The following ADAMTS19 variants were observed in gnomAD, a reference collection of about 807,000 sequenced individuals.
The protein encoded by ADAMTS19 is A disintegrin and metalloproteinase with thrombospondin motifs 19.
ADAMTS19 carries 93 observed loss-of-function variants against 153.3 expected under a neutral mutation model. The observed-to-expected ratio is 0.61, with a 90% confidence interval of 0.51 to 0.72. ADAMTS19 has a LOEUF of 0.72. ADAMTS19 is among the 30% of genes least tolerant of loss of function. The pLI is 0.00. For synonymous variants in ADAMTS19, 600 were observed against 556.6 expected, an observed-to-expected ratio of 1.08 and a Z score of -1.10; for missense variants, 1,482 against 1,552.1, an observed-to-expected ratio of 0.95 and a Z score of 0.76.
chr5:129,689,851 T>A (rs1283363467), intron 18 of ADAMTS19, among the ~76,000 whole-genome samples: 2 of 152,236 alleles, frequency 1.3e-5, no homozygotes, highest in Non-Finnish European at 2.9e-5. Flanking sequence ...TAAAATTTGA[T>A]ATTATTTCAT....
chr5:129,723,004 T>C (rs1372536943), intron 21 of ADAMTS19, among the ~76,000 whole-genome samples: 1 of 152,200 alleles, frequency 6.6e-6, no homozygotes, highest in East Asian at 1.9e-4. Context: ...TTTCATTTTC[T>C]CTCATTTGTC....
At chr5:129,505,687 T>C (rs1203172774) in intron 2 of ADAMTS19, among the ~76,000 whole-genome samples, 2 of 152,084 alleles carry the variant, frequency 1.3e-5, no homozygotes, top group Non-Finnish European at 2.9e-5. Context: ...ACAAAAGCAA[T>C]GCTAAATTGC....
chr5:129,724,996 G>T (rs777368537), intron 21 of ADAMTS19, among the ~76,000 whole-genome samples: 1 of 152,022 alleles, frequency 6.6e-6, no homozygotes, highest in African/African-American at 2.4e-5. Flanking sequence ...CACAGTTGCC[G>T]GCATTCACCC....
chr5:129,678,116 C>T (rs191123446), intron 16 of ADAMTS19, among the ~76,000 whole-genome samples: 134 of 152,188 alleles, frequency 8.8e-4, no homozygotes, highest in Non-Finnish European at 1.5e-3. Context: ...CCGGCCGTTA[C>T]ATTTTTTTCT....
intron 21 of ADAMTS19, among the ~76,000 whole-genome samples, chr5:129,704,851 GA>G (rs1226950518): frequency 6.6e-6 from 1 of 151,906 alleles, no homozygotes; most frequent in Non-Finnish European, 1.5e-5. Flanking sequence ...GGTAGAAATG[GA>G]AAGGAACAAA....
chr5:129,668,836 G>A (rs1754170517), intron 16 of ADAMTS19, among the ~76,000 whole-genome samples: 1 of 152,014 alleles, frequency 6.6e-6, no homozygotes, highest in Non-Finnish European at 1.5e-5. Flanking sequence ...GTGGCATTAA[G>A]TACATTTACA....
At chr5:129,538,161 TTTCTC>T (rs2126792130) in intron 6 of ADAMTS19, among the ~76,000 whole-genome samples, 1 of 152,136 alleles carries the variant, frequency 6.6e-6, no homozygotes, top group Admixed American at 6.6e-5. Context: ...GATTTATAAT[TTTCTC>T]TTATTACAAA....
chr5:129,629,478 G>C (rs938036075), intron 10 of ADAMTS19, among the ~76,000 whole-genome samples: 2 of 151,930 alleles, frequency 1.3e-5, no homozygotes, highest in Non-Finnish European at 2.9e-5. Flanking sequence ...AAAGGCAGTT[G>C]GGCCATAGCA....
chr5:129,726,324 T>A (rs2127210346), intron 21 of ADAMTS19, among the ~76,000 whole-genome samples: 1 of 152,234 alleles, frequency 6.6e-6, no homozygotes, highest in Admixed American at 6.5e-5. Flanking sequence ...AGTCAGAAAA[T>A]TTTCCTTGTA....
chr5:129,609,089 A>T (rs538348466), intron 8 of ADAMTS19, among the ~76,000 whole-genome samples: 2 of 152,254 alleles, frequency 1.3e-5, no homozygotes, highest in South Asian at 4.1e-4. Context: ...TACTGTCCCC[A>T]TTGTACTCTT....
rs763901069 is a variant in ADAMTS19, at chr5:129,596,615, G to C, written c.1429G>C (p.Asp477His). Residue 477 changes from aspartate to histidine, a missense_variant, in exon 8 of 23, where the codon GAC becomes CAC. Physicochemically the swap from Asp to His is moderately conservative, Grantham distance 81. Coordinates refer to ENST00000274487, the MANE Select transcript of ADAMTS19 (RefSeq NM_133638.6). The stretch of plus-strand genomic sequence containing the variant: ...AAAGAGAAAATGTATTATTGCTGAA[G>C]ACAATGGCTTGAATCTTGCTTTTAC... ...SEKRKCIIAE[D>H]NGLNLAFTIA... The C allele has an allele frequency of 6.2e-7, 1 of 1,608,504 alleles. No homozygotes were observed.
chr5:129,461,211 C>G lies in ADAMTS19; in HGVS notation c.201C>G (p.Gly67=). The part of the protein sequence containing the change: ...AGGSGGSADP[G]WVRGVGGGGS... The stretch of plus-strand genomic sequence containing the variant: ...GCAGCGGGGGCAGCGCGGACCCGGG[C>G]TGGGTGCGCGGCGTTGGGGGCGGCG... Residue 67 remains glycine, a synonymous_variant, in exon 2 of 23, where the codon GGC becomes GGG. Transcript: ENST00000274487. This position sits in a 1 kb window ranked among gnomAD's most constrained non-coding sequence, Gnocchi z 4.6. The G allele has an allele frequency of 1.6e-6, 2 of 1,289,756 alleles. No homozygotes were observed. Among genetic ancestry groups the G allele is most frequent in the Non-Finnish European group, 2.0e-6 (2 of 1,024,744 alleles). The allele number at this position is 1,289,756 out of a possible 1,614,324, so 79.9% of individuals were successfully genotyped here.
intron 16 of ADAMTS19, among the ~76,000 whole-genome samples, chr5:129,667,651 C>T (rs923797784): frequency 1.1e-4 from 17 of 152,066 alleles, no homozygotes; most frequent in African/African-American, 4.1e-4. Flanking sequence ...GCTCCACCTG[C>T]ACTTTCGGCC....
chr5:129,516,724 T>A (rs1252572362), intron 3 of ADAMTS19, among the ~76,000 whole-genome samples: 1 of 151,272 alleles, frequency 6.6e-6, no homozygotes, highest in Non-Finnish European at 1.5e-5. Context: ...TCAATTTTGT[T>A]TAACTTTTCA....
chr5:129,708,590 CAAAAAAAAAAAAAA>C (rs1174701520), intron 21 of ADAMTS19, among the ~76,000 whole-genome samples: 1 of 61,820 alleles, frequency 1.6e-5, no homozygotes, highest in Non-Finnish European at 2.9e-5. Context: ...AGCAGAGAAG[CAAAAAAAAAAAAAA>C]AAAAAAAAAA....
chr5:129,607,639 T>C (rs1470604241), intron 8 of ADAMTS19, among the ~76,000 whole-genome samples: 4 of 152,198 alleles, frequency 2.6e-5, no homozygotes, highest in African/African-American at 9.6e-5. Flanking sequence ...TGGTACGTGA[T>C]ATTTTGAATT....
chr5:129,461,262 C>T lies in ADAMTS19; in HGVS notation c.252C>T (p.Gly84=). ...GAAGCGCCCGGGCGCAGGCTGCCGG[C>T]AGCTCACGCGAGGTGCGCTCTGTGG... ...GGGSARAQAA[G]SSREVRSVAP... Residue 84 remains glycine, a synonymous_variant, in exon 2 of 23, where the codon GGC becomes GGT. Coordinates refer to ENST00000274487, the MANE Select transcript of ADAMTS19 (RefSeq NM_133638.6). This position sits in a 1 kb window ranked among gnomAD's most constrained non-coding sequence, Gnocchi z 4.6. 1 of 1,264,404 alleles carries T rather than the reference C, an allele frequency of 7.9e-7. No homozygotes were observed. Among genetic ancestry groups the T allele is most frequent in the Non-Finnish European group, 9.9e-7 (1 of 1,010,462 alleles). The allele number at this position is 1,264,404 out of a possible 1,614,324, so 78.3% of individuals were successfully genotyped here.
At chr5:129,541,699 T>C (rs2126800092) in intron 6 of ADAMTS19, among the ~76,000 whole-genome samples, 1 of 152,214 alleles carries the variant, frequency 6.6e-6, no homozygotes, top group South Asian at 2.1e-4. Context: ...AAGCCTATTT[T>C]ATTTATCTCT....
intron 3 of ADAMTS19, among the ~76,000 whole-genome samples, chr5:129,525,790 T>C (rs1348103875): frequency 2.6e-5 from 4 of 152,046 alleles, no homozygotes; most frequent in Admixed American, 6.6e-5. Context: ...TGGAGCTGAA[T>C]CCTTTGTAAT....
Sources: gnomAD v4.1 joint callset for allele counts (sites outside exome capture counted in the v4.1 genomes callset) on GRCh38, gnomAD v4.1.1 for gene constraint, Gnocchi (gnomAD v3.1) non-coding constraint, MANE v1.5 for transcripts, NCBI Gene and HGNC (gene_info 2026-07-23, HGNC 2026-07-21) for gene names.